Variants in TBCA observed in about 807,000 individuals in gnomAD.
TBCA encodes tubulin-specific chaperone A.
TBCA carries 6 observed loss-of-function variants against 15.8 expected under a neutral mutation model. That is an observed-to-expected ratio of 0.38 (90% confidence interval 0.21 to 0.75). The LOEUF is 0.75. Ranked by LOEUF, TBCA falls within the 30% of genes least tolerant of loss-of-function variation. The pLI is 0.46. For synonymous variants in TBCA, 32 were observed against 42.3 expected (o/e 0.76, Z 0.94); for missense variants, 90 against 131.2 (o/e 0.69, Z 1.53).
chr5:77,712,781 G>C (rs1237477227), intron 1 of TBCA, among the ~76,000 whole-genome samples: 5 of 152,056 alleles, frequency 3.3e-5, no homozygotes, highest in Non-Finnish European at 7.4e-5. Flanking sequence ...TTTCACTGCA[G>C]AAATATTAAT....
At chr5:77,701,411 T>C (rs928712133) in intron 2 of TBCA, among the ~76,000 whole-genome samples, 5 of 151,844 alleles carry the variant, frequency 3.3e-5, no homozygotes, top group African/African-American at 1.2e-4. Context: ...AAAAAAATAA[T>C]AGATGTTGGT....
rs1383244968 is a variant in TBCA at position 77,736,195 on chromosome 5, G to C, written c.54-27848C>G. Among the ~76,000 whole-genome samples, 4 of 152,094 alleles carry C rather than the reference G, an allele frequency of 2.6e-5. No homozygotes were observed. The East Asian group carries it at 7.7e-4, about 29-fold the overall frequency. On this transcript the variant is annotated intron_variant, in intron 1 of 3. Transcript: ENST00000380377. ...TAAAAATATAAAAAACATTAGCTGG[G>C]CGTGGTGGTGGTTGCCTGCAGTCCC... is the stretch of plus-strand genomic sequence containing the variant.
chr5:77,728,316 A>G (rs1283727661), intron 1 of TBCA, among the ~76,000 whole-genome samples: 1 of 152,174 alleles, frequency 6.6e-6, no homozygotes, highest in Non-Finnish European at 1.5e-5. Context: ...AAGCTTATAC[A>G]TATGATTTAC....
chr5:77,757,335 A>G (rs1561282482), intron 1 of TBCA, among the ~76,000 whole-genome samples: 1 of 152,162 alleles, frequency 6.6e-6, no homozygotes, highest in Non-Finnish European at 1.5e-5. Flanking sequence ...CCAGCTAAAG[A>G]CTGCTCTCTA....
chr5:77,694,769 A>T (rs1183178514), intron 2 of TBCA, among the ~76,000 whole-genome samples: 2 of 152,192 alleles, frequency 1.3e-5, no homozygotes, highest in Non-Finnish European at 2.9e-5. Flanking sequence ...TAGCTTTGTC[A>T]GAGCTCATAT....
chr5:77,705,191 T>C (rs1746120870), intron 2 of TBCA, among the ~76,000 whole-genome samples: 1 of 152,218 alleles, frequency 6.6e-6, no homozygotes, highest in African/African-American at 2.4e-5. Flanking sequence ...AAATTTTATT[T>C]AGAAAGGGAA....
chr5:77,733,807 T>C (rs554834290), intron 1 of TBCA, among the ~76,000 whole-genome samples: 4 of 152,364 alleles, frequency 2.6e-5, no homozygotes, highest in African/African-American at 9.6e-5. Flanking sequence ...AACAGCTTTC[T>C]GTTGGAAGAA....
At chr5:77,724,808 A>G (rs553091601) in intron 1 of TBCA, among the ~76,000 whole-genome samples, 3 of 152,290 alleles carry the variant, frequency 2.0e-5, no homozygotes, top group South Asian at 2.1e-4. Context: ...ACACTTCAGG[A>G]AACGTGTACA....
intron 1 of TBCA, among the ~76,000 whole-genome samples, chr5:77,748,601 GA>G (rs1308284354): frequency 1.3e-5 from 2 of 151,794 alleles, no homozygotes; most frequent in Non-Finnish European, 2.9e-5. Context: ...CAATGATGTA[GA>G]AAGTACTTTC....
chr5:77,750,236 T>C (rs377498216), intron 1 of TBCA, among the ~76,000 whole-genome samples: 2 of 151,898 alleles, frequency 1.3e-5, no homozygotes, highest in African/African-American at 4.8e-5. Flanking sequence ...ATATGATATA[T>C]ATATCCTATT....
intron 1 of TBCA, chr5:77,715,418 TAAG>T (rs1249032162): frequency 2.3e-5 from 14 of 602,976 alleles, no homozygotes; most frequent in Non-Finnish European, 3.8e-5. Context: ...AAAACATCTT[TAAG>T]AAGGATAGAA....
At chr5:77,751,159 CTTTTTTTTT>C (rs10573352) in intron 1 of TBCA, among the ~76,000 whole-genome samples, 4 of 81,936 alleles carry the variant, frequency 4.9e-5, no homozygotes, top group African/African-American at 1.4e-4. Context: ...TTCTTTCTTT[CTTTTTTTTT>C]TTTTTTTTTT....
chr5:77,758,943 C>G (rs1747540806), intron 1 of TBCA, among the ~76,000 whole-genome samples: 1 of 152,182 alleles, frequency 6.6e-6, no homozygotes, highest in African/African-American at 2.4e-5. Flanking sequence ...TTTAGTGTGA[C>G]AACCGGGGAC....
At chr5:77,759,355 T>C (rs1163609851) in intron 1 of TBCA, among the ~76,000 whole-genome samples, 2 of 152,022 alleles carry the variant, frequency 1.3e-5, no homozygotes, top group South Asian at 2.1e-4. Context: ...TCAGAGAAAA[T>C]AGATTGTAAT....
chr5:77,721,541 T>C (rs533866008), intron 1 of TBCA, among the ~76,000 whole-genome samples: 1 of 152,162 alleles, frequency 6.6e-6, no homozygotes, highest in South Asian at 2.1e-4. Flanking sequence ...TCCTATCTGA[T>C]GGTATACGTA....
chr5:77,701,682 CATATATATATATAT>C (rs58679612), intron 2 of TBCA, among the ~76,000 whole-genome samples: 277 of 50,970 alleles, frequency 5.4e-3, no homozygotes, highest in African/African-American at 0.015. Context: ...CTGTGGCATG[CATATATATATATAT>C]ATATATATAT....
chr5:77,721,719 C>T (rs954258709), intron 1 of TBCA, among the ~76,000 whole-genome samples: 5 of 152,052 alleles, frequency 3.3e-5, no homozygotes, highest in Admixed American at 6.5e-5. Flanking sequence ...GTACTTGACA[C>T]AATTTTAACA....
At chr5:77,721,556 C>G (rs1746529323) in intron 1 of TBCA, among the ~76,000 whole-genome samples, 1 of 152,054 alleles carries the variant, frequency 6.6e-6, no homozygotes, top group Admixed American at 6.6e-5. Flanking sequence ...TACGTATACA[C>G]TGATTTGGTA....
At position 77,691,512 on chromosome 5, in the gene TBCA, CA is replaced by C. The variant is rs1257965944; in HGVS notation, c.247-15del. The C allele has an allele frequency of 2.5e-6, 4 of 1,570,618 alleles. No individual in the cohort carries two copies. In the East Asian group the frequency reaches 9.2e-5, roughly 36 times the overall value. On this transcript the variant is annotated splice_polypyrimidine_tract_variant and intron_variant, in intron 3 of 3. Transcript: ENST00000380377. ...TTTTTCATTTTCCTAAAATGAAATA[CA>C]ATAAAAATTAAGTTTATCCTTTTCA...
Sources: allele counts gnomAD v4.1 joint callset (sites outside exome capture counted in the v4.1 genomes callset), GRCh38; gene constraint gnomAD v4.1.1; transcripts MANE v1.5; gene names NCBI Gene and HGNC (gene_info 2026-07-23, HGNC 2026-07-21).